The following PCOLCE2 variants were observed in gnomAD, a reference collection of about 807,000 sequenced individuals.
PCOLCE2 encodes the protein procollagen C-proteinase enhancer 2.
PCOLCE2 carries 42 observed loss-of-function variants against 47.0 expected under a neutral mutation model. The ratio of observed to expected loss-of-function variants is 0.89; its 90% CI spans 0.70 to 1.16. The LOEUF (loss-of-function observed/expected upper bound fraction) is 1.16. Ranked by LOEUF, PCOLCE2 falls within the 50% of genes most tolerant of loss-of-function variation. PCOLCE2 has a pLI of 0.00. For synonymous variants in PCOLCE2, 169 were observed against 191.7 expected, an observed-to-expected ratio of 0.88 and a Z score of 0.98; for missense variants, 500 against 526.1, an observed-to-expected ratio of 0.95 and a Z score of 0.49.
chr3:142,863,860 G>A (rs996568899), intron 2 of PCOLCE2: 1 of 152,132 alleles, frequency 6.6e-6, no homozygotes, highest in Admixed American at 6.5e-5. Flanking sequence ...AAACAAAAGT[G>A]GATAAACTAG....
intron 5 of PCOLCE2, among the ~76,000 whole-genome samples, chr3:142,835,395 T>C (rs1937191967): frequency 6.6e-6 from 1 of 152,228 alleles, no homozygotes; most frequent in Non-Finnish European, 1.5e-5. Flanking sequence ...TCAATGAAGC[T>C]ATGCCAATTT....
intron 2 of PCOLCE2, chr3:142,864,097 G>C (rs544676200): frequency 6.6e-6 from 1 of 152,306 alleles, no homozygotes; most frequent in South Asian, 2.1e-4. Context: ...CGTGAAACTG[G>C]CACAGATGGC....
chr3:142,824,295 A>C (rs1937049178), intron 6 of PCOLCE2, among the ~76,000 whole-genome samples: 1 of 152,162 alleles, frequency 6.6e-6, no homozygotes, highest in African/African-American at 2.4e-5. Context: ...TCTGGTTATC[A>C]CAACTAGAGG....
chr3:142,880,279 C>A (rs567037370), intron 2 of PCOLCE2, among the ~76,000 whole-genome samples: 1 of 149,876 alleles, frequency 6.7e-6, no homozygotes, highest in Admixed American at 6.6e-5. Flanking sequence ...AAATTTAAGT[C>A]TCTATATAAT....
intron 3 of PCOLCE2, among the ~76,000 whole-genome samples, chr3:142,844,607 T>C (rs1937303805): frequency 6.6e-6 from 1 of 152,218 alleles, no homozygotes; most frequent in African/African-American, 2.4e-5. Context: ...TAATGGCATC[T>C]CACTGTAATT....
chr3:142,882,176 C>T (rs1933634819), intron 2 of PCOLCE2, among the ~76,000 whole-genome samples: 1 of 149,192 alleles, frequency 6.7e-6, no homozygotes, highest in Admixed American at 6.8e-5. Flanking sequence ...ACTACAGATG[C>T]ATACAACCAC....
At chr3:142,885,592 G>A (rs781651941) in intron 2 of PCOLCE2, among the ~76,000 whole-genome samples, 33 of 152,118 alleles carry the variant, frequency 2.2e-4, no homozygotes, top group African/African-American at 6.0e-4. Context: ...TATCCTAACC[G>A]CAGGCAGAGC....
chr3:142,879,150 C>G (rs1225101680), intron 2 of PCOLCE2, among the ~76,000 whole-genome samples: 1 of 151,874 alleles, frequency 6.6e-6, no homozygotes, highest in African/African-American at 2.4e-5. Flanking sequence ...ATTTACACTA[C>G]TTTAAAAAAA....
intron 2 of PCOLCE2, among the ~76,000 whole-genome samples, chr3:142,875,990 G>A (rs1301571079): frequency 6.6e-6 from 1 of 152,190 alleles, no homozygotes; most frequent in Non-Finnish European, 1.5e-5. Context: ...AGAAGCCTCA[G>A]AGATACTGTC....
intron 2 of PCOLCE2, among the ~76,000 whole-genome samples, chr3:142,872,540 G>T (rs971902317): frequency 1.3e-5 from 2 of 152,060 alleles, no homozygotes; most frequent in Non-Finnish European, 2.9e-5. Flanking sequence ...AATATCCCAC[G>T]TGCCTAGAAC....
At chr3:142,873,507 C>T (rs1436870221) in intron 2 of PCOLCE2, among the ~76,000 whole-genome samples, 1 of 151,934 alleles carries the variant, frequency 6.6e-6, no homozygotes, top group African/African-American at 2.4e-5. Context: ...GCAAGTTCAA[C>T]CCAAAATGAT....
chr3:142,861,126 T>C (rs551963574), intron 2 of PCOLCE2, among the ~76,000 whole-genome samples: 3 of 152,382 alleles, frequency 2.0e-5, no homozygotes, highest in East Asian at 1.9e-4. Flanking sequence ...TACAGAATTG[T>C]AGCTTTAAAT....
intron 2 of PCOLCE2, among the ~76,000 whole-genome samples, chr3:142,882,136 C>A (rs1249502000): frequency 6.6e-6 from 1 of 151,878 alleles, no homozygotes; most frequent in Non-Finnish European, 1.5e-5. Context: ...CTCAAGAGAT[C>A]CTCTCATCTC....
At chr3:142,879,663 T>C (rs1382602914) in intron 2 of PCOLCE2, among the ~76,000 whole-genome samples, 2 of 152,258 alleles carry the variant, frequency 1.3e-5, no homozygotes, top group African/African-American at 4.8e-5. Context: ...GAACAGCTTA[T>C]GTGCCATAAG....
At chr3:142,854,078 C>T (rs6440113) in intron 2 of PCOLCE2, among the ~76,000 whole-genome samples, 91,313 of 152,086 alleles carry the variant, frequency 0.6, 27,903 homozygotes, top group Non-Finnish European at 0.66. Flanking sequence ...AAAATGCAAA[C>T]AGGAGGCCAG....
chr3:142,860,650 C>T (rs1166662740), intron 2 of PCOLCE2, among the ~76,000 whole-genome samples: 1 of 152,180 alleles, frequency 6.6e-6, no homozygotes, highest in Admixed American at 6.5e-5. Flanking sequence ...TCAACTGATC[C>T]GCCTGTCTCG....
intron 2 of PCOLCE2, among the ~76,000 whole-genome samples, chr3:142,879,843 C>T (rs372582188): frequency 4.2e-4 from 63 of 151,806 alleles, no homozygotes; most frequent in African/African-American, 1.3e-3. Context: ...GGTGGGGGGG[C>T]GCCTGTAGTC....
intron 2 of PCOLCE2, among the ~76,000 whole-genome samples, chr3:142,879,696 A>T (rs562837718): frequency 2.0e-5 from 3 of 152,234 alleles, no homozygotes; most frequent in Non-Finnish European, 4.4e-5. Context: ...TTGGCCGGGC[A>T]CGGTGGCTCA....
intron 5 of PCOLCE2, among the ~76,000 whole-genome samples, chr3:142,835,592 T>C (rs73232735): frequency 2.0e-3 from 312 of 152,322 alleles, no homozygotes; most frequent in Non-Finnish European, 3.4e-3. Context: ...TATTTATAGA[T>C]ATACCTATAT....
Sources: allele counts gnomAD v4.1 joint callset (sites outside exome capture counted in the v4.1 genomes callset), GRCh38; gene constraint gnomAD v4.1.1; transcripts MANE v1.5; gene names NCBI Gene and HGNC (gene_info 2026-07-23, HGNC 2026-07-21).